The following SMC5 variants were observed in gnomAD, a reference collection of about 807,000 sequenced individuals.
SMC5 encodes the protein structural maintenance of chromosomes 5, also known as structural maintenance of chromosomes protein 5.
SMC5 carries 88 observed loss-of-function variants against 148.3 expected under a neutral mutation model. That is an observed-to-expected ratio of 0.59 (90% CI 0.50 to 0.71). SMC5 has a LOEUF of 0.71. SMC5 is among the 30% of genes least tolerant of loss of function. The pLI is 0.00. For synonymous variants in SMC5, 421 were observed against 432.8 expected, an observed-to-expected ratio of 0.97 and a Z score of 0.34; for missense variants, 1,142 against 1,298.9, an observed-to-expected ratio of 0.88 and a Z score of 1.86.
At chr9:70,339,463 A>C (rs894866422) in intron 17 of SMC5, among the ~76,000 whole-genome samples, 1 of 151,930 alleles carries the variant, frequency 6.6e-6, no homozygotes, top group Middle Eastern at 3.2e-3. Flanking sequence ...ATGATGACTA[A>C]AATTATGTAG....
rs1448513732 is a variant in SMC5 at position 70,315,599 on chromosome 9, G to T, written c.1806+21G>T. 4 of 1,487,072 alleles carry T rather than the reference G, an allele frequency of 2.7e-6. No individual in the cohort carries two copies. In the Admixed American group the frequency reaches 8.1e-5, roughly 30 times the overall value. 92.1% of individuals were successfully genotyped at this position (1,487,072 alleles called of 1,614,324 possible). ...AACGGGTAGGAAAGTAGTGAATCAT[G>T]TACTGAATCATGTACCAAAAATGTA... On this transcript the variant is annotated intron_variant, in intron 13 of 24. Coordinates refer to ENST00000361138, the MANE Select transcript of SMC5 (RefSeq NM_015110.4).
At chr9:70,323,640 A>G (rs1253487128) in intron 16 of SMC5, 34 bp downstream of exon 16, 2 of 1,591,690 alleles carry the variant, frequency 1.3e-6, no homozygotes, top group Non-Finnish European at 8.6e-7. Context: ...TCATTTTTTA[A>G]AGGAAATAGC....
intron 10 of SMC5, among the ~76,000 whole-genome samples, chr9:70,303,973 T>G (rs1020225998): frequency 9.9e-5 from 15 of 152,240 alleles, no homozygotes; most frequent in African/African-American, 3.6e-4. Flanking sequence ...TCAACATAGT[T>G]ATTCATCTGC....
intron 9 of SMC5, among the ~76,000 whole-genome samples, chr9:70,299,791 G>T (rs1429802976): frequency 4.2e-5 from 5 of 119,920 alleles, no homozygotes; most frequent in Non-Finnish European, 7.2e-5. Flanking sequence ...GGGTTTTTTT[G>T]TTTGTTTGTT....
chr9:70,304,302 C>G (rs141955716), intron 10 of SMC5, among the ~76,000 whole-genome samples: 1 of 152,214 alleles, frequency 6.6e-6, no homozygotes, highest in African/African-American at 2.4e-5. Context: ...TGGTCTCAAA[C>G]TTCTGGCTTC....
Position 70,314,667 on chromosome 9 carries a change from A to G in SMC5, c.1579-75A>G. The G allele has an allele frequency of 4.6e-6, 3 of 650,090 alleles. 1 individual carries two copies. Among genetic ancestry groups the G allele is most frequent in the Non-Finnish European group, 7.4e-6 (3 of 407,784 alleles). The allele number at this position is 650,090 out of a possible 1,614,324, so 40.3% of individuals were successfully genotyped here. A position where few individuals can be genotyped will look rare whatever the true frequency, so the allele number is the denominator to read the frequency against. ...TATCCATCCCACGAATGCCAGTAGG[A>G]GTATGGTAACTATAAATCATTTCAG... On this transcript the variant is annotated intron_variant, in intron 11 of 24. Transcript: ENST00000361138.
intron 6 of SMC5, 88 bp from the exon 7 acceptor site, chr9:70,282,334 C>T (rs2034771947): frequency 1.4e-5 from 18 of 1,327,282 alleles, no homozygotes; most frequent in East Asian, 2.6e-5. Flanking sequence ...TCTTTTCTTA[C>T]ATTTGGTTTC....
chr9:70,343,452 C>A (rs34740954), intron 17 of SMC5, among the ~76,000 whole-genome samples: 2 of 152,132 alleles, frequency 1.3e-5, no homozygotes, highest in Non-Finnish European at 2.9e-5. Flanking sequence ...TTTAAAGGTT[C>A]TAACTACATT....
intron 2 of SMC5, 93 bp from the exon 3 acceptor site, chr9:70,267,830 T>G (rs923943644): frequency 2.3e-5 from 27 of 1,178,438 alleles, no homozygotes; most frequent in Non-Finnish European, 3.3e-5. Flanking sequence ...CTGAAAAAAA[T>G]CTTGATTTGA....
chr9:70,330,859 G>A (rs2036201087), intron 17 of SMC5, among the ~76,000 whole-genome samples: 1 of 152,058 alleles, frequency 6.6e-6, no homozygotes. Flanking sequence ...TAACTTTGTA[G>A]TAGCCAGATT....
At chr9:70,338,793 A>G (rs1433004410) in intron 17 of SMC5, among the ~76,000 whole-genome samples, 1 of 152,154 alleles carries the variant, frequency 6.6e-6, no homozygotes, top group East Asian at 1.9e-4. Flanking sequence ...TTTACTTAAT[A>G]CTACCTCTGA....
At position 70,354,357 on chromosome 9, in the gene SMC5, C is replaced by G. The variant is rs924858438; in HGVS notation, c.*2026C>G. 6 of 152,430 alleles carry G rather than the reference C, an allele frequency of 3.9e-5. No homozygotes were observed. The highest frequency in any genetic ancestry group is 1.2e-4 in the African/African-American group (5 of 41,442). 9.4% of individuals were successfully genotyped at this position (152,430 alleles called of 1,614,324 possible). On this transcript the variant is annotated 3_prime_UTR_variant, in exon 25 of 25. Coordinates refer to ENST00000361138, the MANE Select transcript of SMC5 (RefSeq NM_015110.4). ...TCTCCTGCCTCAGCCTCCCAAGTAA[C>G]TGGGACAACAGGCGCGTCCCACCAC...
chr9:70,306,089 AT>A (rs1379985334), intron 11 of SMC5, among the ~76,000 whole-genome samples: 6 of 152,200 alleles, frequency 3.9e-5, no homozygotes, highest in African/African-American at 7.2e-5. Context: ...AACCTACATA[AT>A]ATGTAGTATA....
At chr9:70,279,052 G>A (rs1587632067) in intron 5 of SMC5, among the ~76,000 whole-genome samples, 1 of 152,074 alleles carries the variant, frequency 6.6e-6, no homozygotes. Flanking sequence ...AGTCACATGA[G>A]GGTAGACTTT....
At chr9:70,342,734 A>T (rs1029328340) in intron 17 of SMC5, among the ~76,000 whole-genome samples, 3 of 152,168 alleles carry the variant, frequency 2.0e-5, no homozygotes, top group African/African-American at 7.2e-5. Flanking sequence ...AGTAGATGAG[A>T]TACCTTCCCT....
intron 3 of SMC5, among the ~76,000 whole-genome samples, chr9:70,268,462 C>G (rs1180108): frequency 7.0e-6 from 1 of 142,338 alleles, no homozygotes; most frequent in African/African-American, 2.7e-5. Flanking sequence ...CTGCCCCCCC[C>G]AAAAAAAAAA....
chr9:70,277,548 A>G (rs370543010), intron 4 of SMC5, 76 bp downstream of exon 4: 4 of 1,181,570 alleles, frequency 3.4e-6, no homozygotes, highest in Non-Finnish European at 3.4e-6. Flanking sequence ...AAGGGATATC[A>G]TAATGACTGC....
At chr9:70,351,227 G>A (rs979846198) in intron 24 of SMC5, among the ~76,000 whole-genome samples, 2 of 151,986 alleles carry the variant, frequency 1.3e-5, no homozygotes, top group African/African-American at 4.8e-5. Context: ...GGCAGCATGC[G>A]CCTATAGTCC....
chr9:70,312,983 CTG>C (rs1181195074), intron 11 of SMC5, among the ~76,000 whole-genome samples: 1 of 152,112 alleles, frequency 6.6e-6, no homozygotes, highest in African/African-American at 2.4e-5. Context: ...GCTTCCTTAA[CTG>C]TTTTATCAAA....
Sources: allele counts gnomAD v4.1 joint callset (sites outside exome capture counted in the v4.1 genomes callset), GRCh38; gene constraint gnomAD v4.1.1; transcripts MANE v1.5; gene names NCBI Gene and HGNC (gene_info 2026-07-23, HGNC 2026-07-21).